The following PRKG1 variants were observed in gnomAD, a reference collection of about 807,000 sequenced individuals.
PRKG1 encodes the protein protein kinase cGMP-dependent 1.
Under a neutral mutation model 88.1 loss-of-function variants are expected in PRKG1, and 35 were observed. The observed-to-expected ratio is 0.40, with a 90% CI of 0.30 to 0.53. PRKG1 has a LOEUF of 0.53. Ranked by LOEUF, PRKG1 falls within the 20% of genes least tolerant of loss-of-function variation. The probability of loss-of-function intolerance (pLI) is 0.59; values close to 1 mark genes in which losing one functional copy is unlikely to be tolerated. For synonymous variants in PRKG1, 303 were observed against 292.5 expected, an observed-to-expected ratio of 1.04 and a Z score of -0.37; for missense variants, 540 against 839.8, an observed-to-expected ratio of 0.64 and a Z score of 4.41.
intron 4 of PRKG1, among the ~76,000 whole-genome samples, chr10:51,858,934 C>G (rs1337417433): frequency 1.3e-5 from 2 of 152,014 alleles, no homozygotes; most frequent in Admixed American, 1.3e-4. Flanking sequence ...TTTAATATTC[C>G]TTTGATTTTT....
intron 5 of PRKG1, among the ~76,000 whole-genome samples, chr10:52,053,829 C>A (rs1414792544): frequency 6.6e-6 from 1 of 152,084 alleles, no homozygotes; most frequent in African/African-American, 2.4e-5. Context: ...TTTCACAGGG[C>A]CAAATCTAAA....
chr10:52,186,404 T>C (rs1839202326), intron 9 of PRKG1, among the ~76,000 whole-genome samples: 1 of 152,030 alleles, frequency 6.6e-6, no homozygotes, highest in Non-Finnish European at 1.5e-5. Flanking sequence ...TCCAATCACC[T>C]CCTGCTATTC....
intron 9 of PRKG1, among the ~76,000 whole-genome samples, chr10:52,193,560 AAACAAAAAAAAAAAAC>A (rs1420783428): frequency 1.0e-4 from 3 of 29,750 alleles, no homozygotes; most frequent in African/African-American, 2.0e-4. Flanking sequence ...AAAAAAAAAA[AAACAAAAAAAAAAAAC>A]AAAAAAAAAA....
chr10:51,897,789 T>G (rs1429610443), intron 4 of PRKG1, among the ~76,000 whole-genome samples: 1 of 152,098 alleles, frequency 6.6e-6, no homozygotes, highest in Non-Finnish European at 1.5e-5. Flanking sequence ...TCCTCTGTCA[T>G]GCAGTGGACT....
At chr10:51,067,677 CTT>C (rs1240287553) in intron 1 of PRKG1, among the ~76,000 whole-genome samples, 6 of 151,970 alleles carry the variant, frequency 3.9e-5, no homozygotes, top group Admixed American at 3.3e-4. Flanking sequence ...TACATTAACT[CTT>C]TGAGTAAAAA....
rs868401655 is a variant in PRKG1 at position 51,750,107 on chromosome 10, T to A, written c.593-54478T>A. Among the ~76,000 whole-genome samples, 16 of 152,130 alleles carry A rather than the reference T, an allele frequency of 1.1e-4. No homozygotes were observed. The Middle Eastern group carries it at 0.01, about 97-fold the overall frequency. On this transcript the variant is annotated intron_variant, in intron 3 of 17. Coordinates refer to ENST00000373980, the MANE Select transcript of PRKG1 (RefSeq NM_006258.4). Reference sequence around the variant, plus strand: ...CATGCCACCATGCCCAGCTAACTTTTGTATTTTTAGTAGAGACAGGGTTTC... The same window carrying A: ...CATGCCACCATGCCCAGCTAACTTTAGTATTTTTAGTAGAGACAGGGTTTC...
At chr10:51,381,657 G>A (rs1464806992) in intron 2 of PRKG1, among the ~76,000 whole-genome samples, 1 of 152,126 alleles carries the variant, frequency 6.6e-6, no homozygotes, top group Non-Finnish European at 1.5e-5. Flanking sequence ...CATTAAAATG[G>A]AAAAGAACTA....
intron 1 of PRKG1, among the ~76,000 whole-genome samples, chr10:51,149,895 A>T (rs565415520): frequency 2.8e-4 from 42 of 152,112 alleles, no homozygotes; most frequent in Non-Finnish European, 4.7e-4. Context: ...CCAGACAGCC[A>T]GAATACCAGC....
At chr10:52,221,120 G>A (rs779107014) in intron 9 of PRKG1, among the ~76,000 whole-genome samples, 4 of 151,744 alleles carry the variant, frequency 2.6e-5, no homozygotes. Context: ...TCTCATTGTG[G>A]TTATGATTTG....
intron 3 of PRKG1, among the ~76,000 whole-genome samples, chr10:51,625,823 A>G (rs1227210636): frequency 6.6e-6 from 1 of 152,152 alleles, no homozygotes; most frequent in South Asian, 2.1e-4. Context: ...ACAGAGAGTC[A>G]CAGTCAATGA....
intron 4 of PRKG1, among the ~76,000 whole-genome samples, chr10:51,811,865 AT>A (rs531897570): frequency 1.3e-5 from 2 of 152,178 alleles, no homozygotes; most frequent in South Asian, 2.1e-4. Flanking sequence ...GAAAATGTGC[AT>A]TTTTTAAGTT....
intron 3 of PRKG1, among the ~76,000 whole-genome samples, chr10:51,795,702 C>T (rs1240687523): frequency 6.6e-6 from 1 of 152,054 alleles, no homozygotes; most frequent in Non-Finnish European, 1.5e-5. Context: ...GGGTAGAATA[C>T]AGCTTCTGGG....
intron 2 of PRKG1, among the ~76,000 whole-genome samples, chr10:51,212,975 A>G (rs1450138927): frequency 2.6e-5 from 4 of 152,208 alleles, no homozygotes; most frequent in Admixed American, 6.5e-5. Context: ...GTATATACCC[A>G]AAGGATTATA....
chr10:51,974,349 C>G (rs1487512651), intron 5 of PRKG1, among the ~76,000 whole-genome samples: 6 of 152,094 alleles, frequency 3.9e-5, no homozygotes, highest in Non-Finnish European at 5.9e-5. Flanking sequence ...TCCTAGTCTG[C>G]TTACACTCCT....
intron 5 of PRKG1, among the ~76,000 whole-genome samples, chr10:51,923,230 T>A (rs980594326): frequency 7.2e-5 from 11 of 152,068 alleles, no homozygotes; most frequent in Admixed American, 3.3e-4. Context: ...TTCTTTTTAT[T>A]AGCATTAGTG....
intron 3 of PRKG1, among the ~76,000 whole-genome samples, chr10:51,676,952 A>G (rs1238142107): frequency 6.6e-6 from 1 of 152,188 alleles, no homozygotes; most frequent in Non-Finnish European, 1.5e-5. Context: ...ATAAGTGTAC[A>G]GCTCAATTAA....
intron 5 of PRKG1, 64 bp from the exon 6 acceptor site, chr10:52,054,420 A>C (rs988521986): frequency 8.4e-7 from 1 of 1,188,924 alleles, no homozygotes. Context: ...ATATTTGAAG[A>C]GGCTGAGCTG....
intron 2 of PRKG1, among the ~76,000 whole-genome samples, chr10:51,328,238 C>G (rs1350423086): frequency 2.0e-5 from 3 of 152,160 alleles, no homozygotes; most frequent in Non-Finnish European, 4.4e-5. Context: ...AAATTTCTTT[C>G]TGTGCCTGGC....
intron 1 of PRKG1, among the ~76,000 whole-genome samples, chr10:51,082,149 C>T (rs754093494): frequency 3.3e-5 from 5 of 152,062 alleles, no homozygotes; most frequent in Admixed American, 1.3e-4. Context: ...AACTCTGGGG[C>T]GCAGAGAAGT....
Sources: gnomAD v4.1 joint callset for allele counts (sites outside exome capture counted in the v4.1 genomes callset) on GRCh38, gnomAD v4.1.1 for gene constraint, MANE v1.5 for transcripts, NCBI Gene and HGNC (gene_info 2026-07-23, HGNC 2026-07-21) for gene names.